Variants in TRIM55 observed in about 807,000 individuals in gnomAD.
TRIM55 encodes tripartite motif-containing protein 55.
A neutral mutation model predicts 60.9 loss-of-function variants in TRIM55; 50 were observed. That is an observed-to-expected ratio of 0.82 (90% confidence interval 0.65 to 1.04). TRIM55 has a LOEUF of 1.04. Ranked by LOEUF, TRIM55 falls within the 50% of genes least tolerant of loss-of-function variation. TRIM55 has a pLI of 0.00. For missense variants in TRIM55, 681 were observed against 666.9 expected (o/e 1.02, Z -0.23); for synonymous variants, 237 against 238.1 (o/e 1.00, Z 0.04).
At chr8:66,153,900 G>C (rs886505550) in intron 8 of TRIM55, 147 bp from the exon 9 acceptor site, 14 of 705,206 alleles carry the variant, frequency 2.0e-5, no homozygotes, top group Non-Finnish European at 3.2e-5. Context: ...CGCTTCTGGA[G>C]GGTGGGATGA....
At chr8:66,162,863 T>C (rs1001402920) in intron 9 of TRIM55, among the ~76,000 whole-genome samples, 7 of 152,168 alleles carry the variant, frequency 4.6e-5, no homozygotes, top group Non-Finnish European at 1.0e-4. Context: ...AGAATTTTTA[T>C]AGTGTTAGCT....
chr8:66,147,813 A>C (rs10957367), intron 4 of TRIM55, among the ~76,000 whole-genome samples: 15,547 of 144,452 alleles, frequency 0.11, 1,888 homozygotes, highest in African/African-American at 0.3. Flanking sequence ...AAAAAAAAAA[A>C]AAAACCACAA....
chr8:66,127,064 ACACGTCAGCC>A (rs1224398818), upstream of TRIM55: 8 of 496,922 alleles, frequency 1.6e-5, no homozygotes, highest in Non-Finnish European at 2.9e-5. Flanking sequence ...GCTTATATGG[ACACGTCAGCC>A]CACCGTCACG....
At chr8:66,146,554 A>C (rs553116834) in intron 4 of TRIM55, among the ~76,000 whole-genome samples, 1 of 152,354 alleles carries the variant, frequency 6.6e-6, no homozygotes, top group African/African-American at 2.4e-5. Context: ...CCTGTATTAC[A>C]TCTTAATATA....
chr8:66,138,402 T>G (rs147919309), intron 4 of TRIM55, among the ~76,000 whole-genome samples: 1,930 of 152,290 alleles, frequency 0.013, 46 homozygotes, highest in African/African-American at 0.04. Context: ...TTTTTGTTTG[T>G]TTTTTGGGAT....
chr8:66,123,558 GA>G (rs892927891), upstream of TRIM55, among the ~76,000 whole-genome samples: 12 of 150,750 alleles, frequency 8.0e-5, no homozygotes, highest in African/African-American at 1.5e-4. Context: ...AGAACAGAGA[GA>G]AAAAAAAAGA....
At chr8:66,118,168 CAAAAAA>C in the TRIM55 span, among the ~76,000 whole-genome samples, 8,298 of 38,694 alleles carry the variant, frequency 0.21, 127 homozygotes, top group Non-Finnish European at 0.25. Flanking sequence ...GACTCCGTCT[CAAAAAA>C]AAAAAAAAAA....
chr8:66,130,659 C>CT (rs572999976), intron 2 of TRIM55, among the ~76,000 whole-genome samples: 9,606 of 122,770 alleles, frequency 0.078, 610 homozygotes, highest in African/African-American at 0.16. Flanking sequence ...ACCTAGCATT[C>CT]TTTTTTTTTT....
At chr8:66,167,378 G>T (rs1290582873) in intron 9 of TRIM55, among the ~76,000 whole-genome samples, 1 of 152,172 alleles carries the variant, frequency 6.6e-6, no homozygotes, top group Non-Finnish European at 1.5e-5. Flanking sequence ...TTTTCAGGAA[G>T]AGCAAGAATA....
intron 1 of TRIM55, among the ~76,000 whole-genome samples, chr8:66,127,672 C>CAAA (rs531569749): frequency 7.0e-6 from 1 of 141,926 alleles, no homozygotes; most frequent in African/African-American, 2.6e-5. Flanking sequence ...ACTAAAAATA[C>CAAA]AAAAAAAAAA....
In TRIM55 at chr8:66,146,125, T is replaced by G. The variant is rs187291932; in HGVS notation, c.604-3520T>G. On this transcript the variant is annotated intron_variant, in intron 4 of 9. Coordinates refer to ENST00000315962, the MANE Select transcript of TRIM55 (RefSeq NM_184085.2). ...TGTACCTAAATTTAATAGACACTGA[T>G]CCAGTACCAATATATGCCAGGTAAT... is the stretch of plus-strand genomic sequence containing the variant. 3.1e-3 allele frequency among the ~76,000 whole-genome samples: 465 copies of G among 152,294 alleles called. 4 individuals carry two copies. Among genetic ancestry groups the G allele is most frequent in the African/African-American group, 0.011 (447 of 41,546 alleles).
At chr8:66,159,179 T>G (rs910754117) in intron 9 of TRIM55, among the ~76,000 whole-genome samples, 2 of 152,240 alleles carry the variant, frequency 1.3e-5, no homozygotes, top group African/African-American at 2.4e-5. Flanking sequence ...TCATGTGTCT[T>G]TACCATTAAA....
chr8:66,125,929 T>C (rs541864694), upstream of TRIM55, among the ~76,000 whole-genome samples: 1 of 152,340 alleles, frequency 6.6e-6, no homozygotes, highest in Admixed American at 6.5e-5. Flanking sequence ...TTATCACATA[T>C]AAACAGACTT....
intron 3 of TRIM55, 79 bp from the exon 4 acceptor site, chr8:66,137,016 A>AGGT (rs1563368467): frequency 4.9e-6 from 6 of 1,219,132 alleles, no homozygotes; most frequent in East Asian, 2.5e-5. Context: ...GAACCTGTAA[A>AGGT]GACAATATTA....
intron 9 of TRIM55, among the ~76,000 whole-genome samples, chr8:66,172,605 T>A (rs1811703913): frequency 6.6e-6 from 1 of 152,186 alleles, no homozygotes; most frequent in South Asian, 2.1e-4. Context: ...TAGATGTCAA[T>A]CTCTAGTAGA....
rs74768162 is a variant in TRIM55 at position 66,135,149 on chromosome 8, A to G, written c.501A>G (p.Arg167=). 534 of 1,614,082 alleles carry G rather than the reference A, an allele frequency of 3.3e-4. 1 individual carries two copies. In the African/African-American group the frequency reaches 6.6e-3, roughly 20 times the overall value. ...QVAPLTHVFQ[R]QKSELSDGIA... is the part of the protein sequence containing the mutation. ...CTCCCCTCACTCATGTGTTCCAGAG[A>G]CAGAAGGTAACAGAGCTGCTCCCTC... The change falls in exon 3 of 10, where the codon AGA becomes AGG. Residue 167 remains arginine (R), a synonymous_variant. Transcript: ENST00000315962.
chr8:66,135,107 C>G lies in TRIM55; in HGVS notation c.459C>G (p.His153Gln), dbSNP rs765541654. The G allele has an allele frequency of 5.6e-6, 9 of 1,614,184 alleles. No individual in the cohort carries two copies. Among genetic ancestry groups the G allele is most frequent in the Admixed American group, 1.7e-5 (1 of 60,022 alleles). The part of the protein sequence containing the change: ...TCSLCKVFGA[H>Q]KDCQVAPLTH... ...CTCTGTGCAAGGTGTTTGGTGCACA[C>G]AAAGACTGCCAGGTGGCTCCCCTCA... Residue 153 changes from histidine to glutamine, a missense_variant, in exon 3 of 10, where the codon CAC becomes CAG. Coordinates refer to ENST00000315962, the MANE Select transcript of TRIM55 (RefSeq NM_184085.2).
At chr8:66,167,423 C>T (rs546100109) in intron 9 of TRIM55, among the ~76,000 whole-genome samples, 1 of 152,274 alleles carries the variant, frequency 6.6e-6, no homozygotes, top group African/African-American at 2.4e-5. Context: ...ATTGTCAGCT[C>T]CATATCTGAG....
At chr8:66,164,164 T>C (rs1462808186) in intron 9 of TRIM55, among the ~76,000 whole-genome samples, 1 of 152,030 alleles carries the variant, frequency 6.6e-6, no homozygotes, top group Non-Finnish European at 1.5e-5. Context: ...ATGCTGACAG[T>C]CATTAAGGCG....
Sources: gnomAD v4.1 joint callset for allele counts (sites outside exome capture counted in the v4.1 genomes callset) on GRCh38, gnomAD v4.1.1 for gene constraint, MANE v1.5 for transcripts, NCBI Gene and HGNC (gene_info 2026-07-23, HGNC 2026-07-21) for gene names.